FGFR1OP2: variants seen among roughly 807,000 people sequenced by gnomAD.
FGFR1OP2 encodes the protein FGFR1 oncogene partner 2, also known as fibroblast growth factor receptor 1 oncogene partner 2.
In FGFR1OP2, 17 loss-of-function variants were observed where a neutral mutation model predicts 35.2. The ratio of observed to expected loss-of-function variants is 0.48; its 90% CI spans 0.33 to 0.73. The LOEUF is 0.73. Among genes scored for constraint, FGFR1OP2 ranks in the 30% least tolerant of loss-of-function variants. The pLI is 0.02. For missense variants in FGFR1OP2, 251 were observed against 307.3 expected (o/e 0.82, Z 1.37); for synonymous variants, 105 against 104.6 (o/e 1.00, Z -0.03).
intron 1 of FGFR1OP2, among the ~76,000 whole-genome samples, chr12:26,945,500 G>T (rs1183932440): frequency 6.6e-6 from 1 of 152,162 alleles, no homozygotes; most frequent in Non-Finnish European, 1.5e-5. Context: ...ACTTCCAGAT[G>T]TTTGGAGATT....
In FGFR1OP2 at chr12:26,957,723, T is replaced by A; in HGVS notation, c.376T>A (p.Leu126Ile). The change falls in exon 4 of 7, where the codon TTA becomes ATA. Residue 126 changes from leucine to isoleucine, a missense_variant. By Grantham distance (5) the Leu-to-Ile change is conservative. Transcript: ENST00000229395. Reference sequence around the variant, plus strand: ...AGATGATCCGGGTATAATAATGAAGTTAAAAGAGCAGCACTCCAAGGTAAT... The same window carrying A: ...AGATGATCCGGGTATAATAATGAAGATAAAAGAGCAGCACTCCAAGGTAAT... ...KKDDPGIIMK[L>I]KEQHSKIDMV... 1 of 1,613,330 alleles carries A rather than the reference T, an allele frequency of 6.2e-7. No individual in the cohort carries two copies. The highest frequency in any genetic ancestry group is 8.5e-7 in the Non-Finnish European group (1 of 1,179,678).
chr12:26,945,676 C>CG (rs1938808503), intron 1 of FGFR1OP2, among the ~76,000 whole-genome samples: 1 of 152,116 alleles, frequency 6.6e-6, no homozygotes, highest in Non-Finnish European at 1.5e-5. Context: ...GCCTGGCCAA[C>CG]GTGGTGAAAC....
chr12:26,950,729 A>G (rs1391333919), intron 1 of FGFR1OP2, among the ~76,000 whole-genome samples: 1 of 152,206 alleles, frequency 6.6e-6, no homozygotes, highest in Non-Finnish European at 1.5e-5. Flanking sequence ...TGACTGATGT[A>G]CCTGTTGCAT....
At chr12:26,960,388 G>T in intron 4 of FGFR1OP2, 127 bp from the exon 5 acceptor site, 2 of 502,956 alleles carry the variant, frequency 4.0e-6, no homozygotes, top group Non-Finnish European at 6.7e-6. Flanking sequence ...TTGAACAGAT[G>T]CCTTTTTGGA....
chr12:26,948,860 A>G (rs565702223), intron 1 of FGFR1OP2, among the ~76,000 whole-genome samples: 48 of 152,288 alleles, frequency 3.2e-4, no homozygotes, highest in African/African-American at 1.1e-3. Flanking sequence ...TAAGGTATTC[A>G]TAACGTAAAC....
At chr12:26,940,153 T>G (rs1276504880) in intron 1 of FGFR1OP2, among the ~76,000 whole-genome samples, 1 of 152,230 alleles carries the variant, frequency 6.6e-6, no homozygotes, top group Non-Finnish European at 1.5e-5. Flanking sequence ...CAGGCAACTC[T>G]TCTACTGACT....
chr12:26,947,856 A>G (rs1324375783), intron 1 of FGFR1OP2, among the ~76,000 whole-genome samples: 3 of 152,122 alleles, frequency 2.0e-5, no homozygotes, highest in Non-Finnish European at 2.9e-5. Context: ...TAGTTCTGCC[A>G]TCTTATCATT....
rs530213697 is a variant in FGFR1OP2 at position 26,955,001 on chromosome 12, C to A, written c.135+708C>A. Among the ~76,000 whole-genome samples the A allele has an allele frequency of 1.2e-4, 18 of 152,222 alleles. No homozygotes were observed. The South Asian group carries it at 3.1e-3, about 26-fold the overall frequency. On this transcript the variant is annotated intron_variant, in intron 2 of 6. Transcript: ENST00000229395. ...TCCTCATCTATTTTGTAAAAGGAAG[C>A]AATTCTGGGATAGTATTTTTAACAA... is the stretch of plus-strand genomic sequence containing the variant.
chr12:26,943,169 C>G (rs1938763913), intron 1 of FGFR1OP2, among the ~76,000 whole-genome samples: 2 of 152,092 alleles, frequency 1.3e-5, no homozygotes, highest in Non-Finnish European at 1.5e-5. Context: ...ATATAGATGT[C>G]CAGTTCTTCC....
intron 4 of FGFR1OP2, among the ~76,000 whole-genome samples, 187 bp from the exon 5 acceptor site, chr12:26,960,328 A>G (rs939345901): frequency 5.9e-5 from 9 of 152,164 alleles, no homozygotes; most frequent in African/African-American, 2.2e-4. Context: ...AAAAATCAGT[A>G]GAAAGTTTGA....
At chr12:26,945,931 G>A (rs1467866821) in intron 1 of FGFR1OP2, among the ~76,000 whole-genome samples, 1 of 151,132 alleles carries the variant, frequency 6.6e-6, no homozygotes, top group Non-Finnish European at 1.5e-5. Flanking sequence ...TTTGTTTTGT[G>A]ATCCAGGATG....
chr12:26,954,701 T>C (rs1421561238), intron 2 of FGFR1OP2, among the ~76,000 whole-genome samples: 2 of 152,216 alleles, frequency 1.3e-5, no homozygotes, highest in Non-Finnish European at 2.9e-5. Flanking sequence ...CTTTTGAAAA[T>C]GATGCAAGGT....
At chr12:26,942,704 A>G (rs1196683931) in intron 1 of FGFR1OP2, among the ~76,000 whole-genome samples, 3 of 152,216 alleles carry the variant, frequency 2.0e-5, no homozygotes, top group Admixed American at 6.5e-5. Context: ...GCATTTCTCT[A>G]ATGGCTAATG....
At chr12:26,940,528 CATAACT>C (rs2136345589) in intron 1 of FGFR1OP2, among the ~76,000 whole-genome samples, 1 of 152,172 alleles carries the variant, frequency 6.6e-6, no homozygotes, top group Admixed American at 6.5e-5. Context: ...ATATGAAAAC[CATAACT>C]ATACCTTTTG....
Position 26,940,699 on chromosome 12 carries a change from G to T in FGFR1OP2, c.-15+1989G>T, listed in dbSNP as rs141850093. On this transcript the variant is annotated intron_variant, in intron 1 of 6. Transcript: ENST00000229395. ...ACAATATTTCTGTGTAGATGTAGTG[G>T]TAGGAGTAGTGGATTTGCAGATAAG... Among the ~76,000 whole-genome samples, 3 of 152,218 alleles carry T rather than the reference G, an allele frequency of 2.0e-5. 1 individual carries two copies. Among genetic ancestry groups the T allele is most frequent in the African/African-American group, 7.2e-5 (3 of 41,540 alleles).
chr12:26,947,126 T>G (rs1206123222), intron 1 of FGFR1OP2, among the ~76,000 whole-genome samples: 3 of 152,182 alleles, frequency 2.0e-5, no homozygotes, highest in Non-Finnish European at 4.4e-5. Context: ...TGCATTGACA[T>G]ACTTTCATTT....
chr12:26,951,826 T>C (rs1338307567), intron 1 of FGFR1OP2, among the ~76,000 whole-genome samples: 1 of 152,202 alleles, frequency 6.6e-6, no homozygotes, highest in Admixed American at 6.5e-5. Flanking sequence ...TTGTAGATGT[T>C]ATGTTTTAGT....
At chr12:26,961,234 CCAGA>C (rs1170435385) in intron 5 of FGFR1OP2, 5 of 152,186 alleles carry the variant, frequency 3.3e-5, no homozygotes, top group African/African-American at 7.2e-5. Flanking sequence ...TTCTTGTCTT[CCAGA>C]CAGTTTTGAA....
At chr12:26,941,399 G>C (rs1938732466) in intron 1 of FGFR1OP2, among the ~76,000 whole-genome samples, 1 of 152,226 alleles carries the variant, frequency 6.6e-6, no homozygotes, top group African/African-American at 2.4e-5. Context: ...AAACTTTTGT[G>C]TGTGTGGTTT....
Sources: allele counts gnomAD v4.1 joint callset (sites outside exome capture counted in the v4.1 genomes callset), GRCh38; gene constraint gnomAD v4.1.1; transcripts MANE v1.5; gene names NCBI Gene and HGNC (gene_info 2026-07-23, HGNC 2026-07-21).